The following PARD3B variants were observed in gnomAD, a reference collection of about 807,000 sequenced individuals.
PARD3B encodes the protein partitioning defective 3 homolog B.
Under a neutral mutation model 130.2 loss-of-function variants are expected in PARD3B, and 103 were observed. The ratio of observed to expected loss-of-function variants is 0.79; its 90% confidence interval spans 0.67 to 0.93. PARD3B has a LOEUF of 0.93. Among genes scored for constraint, PARD3B ranks in the 40% least tolerant of loss-of-function variants. PARD3B has a pLI of 0.00. For synonymous variants in PARD3B, 583 were observed against 553.2 expected (o/e 1.05, Z -0.76); for missense variants, 1,609 against 1,499.2 (o/e 1.07, Z -1.21).
At chr2:204,772,993 T>C (rs990974979) in intron 2 of PARD3B, among the ~76,000 whole-genome samples, 8 of 152,040 alleles carry the variant, frequency 5.3e-5, no homozygotes, top group African/African-American at 1.9e-4. Flanking sequence ...GATTTTATTG[T>C]TTTGAGTTTA....
At position 205,619,525 on chromosome 2, in the gene PARD3B, C is replaced by T. The variant is rs958220149; in HGVS notation, c.*3712C>T. On this transcript the variant is annotated 3_prime_UTR_variant, in exon 23 of 23. Transcript: ENST00000406610. ...CAATTAGGCAGGAGGGATTTGGACT[C>T]AGAAACAGCCACAGAAGTATTTCTC... is the stretch of plus-strand genomic sequence containing the variant. The T allele has an allele frequency of 2.0e-5, 3 of 152,142 alleles. No individual in the cohort carries two copies. Among genetic ancestry groups the T allele is most frequent in the Admixed American group, 6.5e-5 (1 of 15,276 alleles). The allele number at this position is 152,142 out of a possible 1,614,324, so 9.4% of individuals were successfully genotyped here.
chr2:205,478,736 G>A (rs898907491), intron 20 of PARD3B, among the ~76,000 whole-genome samples: 1 of 152,204 alleles, frequency 6.6e-6, no homozygotes. Context: ...AAAGCTAAAG[G>A]TCAGCAAATG....
rs1047445356 is a variant in PARD3B, at chr2:205,461,264, G to A, written c.3044+20592G>A. 2.6e-5 allele frequency among the ~76,000 whole-genome samples: 4 copies of A among 152,118 alleles called. No individual in the cohort carries two copies. Among genetic ancestry groups the A allele is most frequent in the Non-Finnish European group, 5.9e-5 (4 of 68,038 alleles). On this transcript the variant is annotated intron_variant, in intron 20 of 22. Transcript: ENST00000406610. This position sits in a 1 kb window ranked among gnomAD's most constrained non-coding sequence, Gnocchi z 4.3. ...TGAAAGAGGCATGAAAGGCACTCTGGGCAGAGGAGCAGCATGGGGGATGCC... is the reference window on the plus strand; with the variant it reads ...TGAAAGAGGCATGAAAGGCACTCTGAGCAGAGGAGCAGCATGGGGGATGCC...
chr2:205,333,207 G>A (rs551507050), intron 18 of PARD3B, among the ~76,000 whole-genome samples: 66 of 152,144 alleles, frequency 4.3e-4, no homozygotes, highest in African/African-American at 1.5e-3. Context: ...TACTCTATAC[G>A]TACATTGTCT....
chr2:204,609,583 T>G (rs2125114499), intron 1 of PARD3B, among the ~76,000 whole-genome samples: 1 of 152,312 alleles, frequency 6.6e-6, no homozygotes, highest in South Asian at 2.1e-4. Context: ...GATTCAAAGC[T>G]TTTCTAGTTG....
intron 2 of PARD3B, among the ~76,000 whole-genome samples, chr2:204,874,228 T>C (rs1157317417): frequency 6.6e-6 from 1 of 152,190 alleles, no homozygotes; most frequent in Non-Finnish European, 1.5e-5. Context: ...GAACAATGAA[T>C]GGCCCCTTTT....
chr2:205,579,287 A>C (rs1401845031), intron 22 of PARD3B, among the ~76,000 whole-genome samples: 1 of 152,202 alleles, frequency 6.6e-6, no homozygotes, highest in Non-Finnish European at 1.5e-5. Context: ...TTAAGGAAGA[A>C]AAAAGGCTAT....
intron 2 of PARD3B, among the ~76,000 whole-genome samples, chr2:204,803,466 TACA>T (rs926712250): frequency 2.6e-5 from 4 of 152,018 alleles, no homozygotes; most frequent in Admixed American, 2.0e-4. Context: ...TTAAAATAAC[TACA>T]ACAACTTTTC....
Position 204,740,730 on chromosome 2 carries a change from T to C in PARD3B, c.222+54448T>C, listed in dbSNP as rs1197957367. On this transcript the variant is annotated intron_variant, in intron 2 of 22. Transcript: ENST00000406610. ...CTACATGTAGCCTCCTCATGTATCT[T>C]GGGCTTCCTCAGAGCATGGTGACAC... Among the ~76,000 whole-genome samples, 5 of 152,190 alleles carry C rather than the reference T, an allele frequency of 3.3e-5. No individual in the cohort carries two copies. The East Asian group carries it at 9.6e-4, about 29-fold the overall frequency.
chr2:205,480,158 G>C (rs2049179152), intron 20 of PARD3B, among the ~76,000 whole-genome samples: 1 of 152,098 alleles, frequency 6.6e-6, no homozygotes, highest in Admixed American at 6.5e-5. Flanking sequence ...ACCCGCCTCG[G>C]CCTCCCAGAG....
intron 1 of PARD3B, among the ~76,000 whole-genome samples, chr2:204,645,078 T>C (rs1285261549): frequency 6.6e-6 from 1 of 152,188 alleles, no homozygotes; most frequent in Non-Finnish European, 1.5e-5. Context: ...GAGATTTTAT[T>C]TGATATTAAA....
At chr2:205,148,651 A>G (rs1399511850) in intron 10 of PARD3B, among the ~76,000 whole-genome samples, 1 of 152,188 alleles carries the variant, frequency 6.6e-6, no homozygotes, top group East Asian at 1.9e-4. Flanking sequence ...AAAGTTAACA[A>G]TGGATAAGCT....
chr2:205,115,250 A>G (rs1233363256), intron 6 of PARD3B, among the ~76,000 whole-genome samples: 1 of 152,148 alleles, frequency 6.6e-6, no homozygotes. Context: ...TCTGATTCCT[A>G]GCACAAGCCT....
intron 2 of PARD3B, among the ~76,000 whole-genome samples, chr2:204,942,529 A>G (rs1438517221): frequency 6.6e-6 from 1 of 152,138 alleles, no homozygotes; most frequent in Non-Finnish European, 1.5e-5. Context: ...TTTTATCCCA[A>G]GAGAGAAGTA....
intron 20 of PARD3B, among the ~76,000 whole-genome samples, chr2:205,479,001 G>A (rs2049126609): frequency 6.6e-6 from 1 of 152,106 alleles, no homozygotes; most frequent in African/African-American, 2.4e-5. Context: ...GAGGCCATAA[G>A]AACATGTTAC....
intron 2 of PARD3B, among the ~76,000 whole-genome samples, chr2:204,942,268 T>C (rs981290200): frequency 6.6e-6 from 1 of 152,228 alleles, no homozygotes; most frequent in Non-Finnish European, 1.5e-5. Context: ...AACTTTTACT[T>C]TCCCTGTTTT....
At chr2:205,447,426 G>A (rs969034256) in intron 20 of PARD3B, among the ~76,000 whole-genome samples, 1 of 152,192 alleles carries the variant, frequency 6.6e-6, no homozygotes, top group Non-Finnish European at 1.5e-5. Flanking sequence ...TGCCCAGGCT[G>A]GAGTGCAATG....
intron 1 of PARD3B, among the ~76,000 whole-genome samples, chr2:204,620,714 C>T (rs2034268949): frequency 1.3e-5 from 2 of 152,140 alleles, no homozygotes; most frequent in South Asian, 4.1e-4. Flanking sequence ...TAGTCCTGTA[C>T]TGTAGGTTAG....
At chr2:204,842,317 G>C (rs2044286505) in intron 2 of PARD3B, among the ~76,000 whole-genome samples, 3 of 152,100 alleles carry the variant, frequency 2.0e-5, no homozygotes, top group African/African-American at 7.2e-5. Flanking sequence ...GTGCTTGAGT[G>C]GTAGTGGGAA....
Sources: gnomAD v4.1 joint callset for allele counts (sites outside exome capture counted in the v4.1 genomes callset) on GRCh38, gnomAD v4.1.1 for gene constraint, Gnocchi (gnomAD v3.1) non-coding constraint, MANE v1.5 for transcripts, NCBI Gene and HGNC (gene_info 2026-07-23, HGNC 2026-07-21) for gene names.